Variants in CDH8 observed in about 807,000 individuals in gnomAD.
The protein encoded by CDH8 is cadherin-8.
In CDH8, 17 loss-of-function variants were observed where a neutral mutation model predicts 68.1. The observed-to-expected ratio is 0.25, with a 90% CI of 0.17 to 0.37. CDH8 has a LOEUF of 0.37. Ranked by LOEUF, CDH8 falls within the 10% of genes least tolerant of loss-of-function variation. The pLI is 1.00. For synonymous variants in CDH8, 372 were observed against 365.1 expected (o/e 1.02, Z -0.21); for missense variants, 763 against 999.3 (o/e 0.76, Z 3.19).
At chr16:61,892,251 A>C (rs1314886011) in intron 3 of CDH8, among the ~76,000 whole-genome samples, 1 of 152,176 alleles carries the variant, frequency 6.6e-6, no homozygotes, top group African/African-American at 2.4e-5. Context: ...GTGGCCTTTC[A>C]TAAAACCAAA....
intron 10 of CDH8, among the ~76,000 whole-genome samples, chr16:61,701,822 G>A (rs556913559): frequency 5.1e-4 from 77 of 152,222 alleles, no homozygotes; most frequent in African/African-American, 1.7e-3. Context: ...TACTTTGGGC[G>A]CACCATTGTT....
chr16:61,801,759 G>C (rs375159238), intron 7 of CDH8, among the ~76,000 whole-genome samples: 543 of 152,320 alleles, frequency 3.6e-3, no homozygotes, highest in Middle Eastern at 0.01. Flanking sequence ...TTTTCAGACC[G>C]GCTTAAAAAG....
intron 4 of CDH8, among the ~76,000 whole-genome samples, chr16:61,855,800 G>A (rs1163852987): frequency 6.6e-6 from 1 of 152,050 alleles, no homozygotes; most frequent in Non-Finnish European, 1.5e-5. Flanking sequence ...TATGAACTCT[G>A]CCACTGTAAC....
At chr16:62,025,262 A>T (rs945029506) in intron 1 of CDH8, among the ~76,000 whole-genome samples, 1 of 152,198 alleles carries the variant, frequency 6.6e-6, no homozygotes, top group Non-Finnish European at 1.5e-5. Context: ...TATTTGCAGA[A>T]TCACCCAGTC....
intron 9 of CDH8, among the ~76,000 whole-genome samples, chr16:61,715,683 A>G (rs568012558): frequency 1.3e-5 from 2 of 151,806 alleles, no homozygotes; most frequent in East Asian, 2.0e-4. Flanking sequence ...GAATGCAATT[A>G]TATTTACTGT....
chr16:61,722,593 C>A (rs1323178489), intron 9 of CDH8, among the ~76,000 whole-genome samples: 1 of 150,732 alleles, frequency 6.6e-6, no homozygotes, highest in Non-Finnish European at 1.5e-5. Flanking sequence ...GGTTAGCATG[C>A]ATACTGTGTG....
intron 3 of CDH8, among the ~76,000 whole-genome samples, chr16:61,884,187 G>T (rs1015877809): frequency 6.6e-6 from 1 of 151,974 alleles, no homozygotes; most frequent in Non-Finnish European, 1.5e-5. Flanking sequence ...ACACAGATTT[G>T]ATTTATATGC....
intron 10 of CDH8, chr16:61,693,504 G>A (rs1964272396): frequency 6.6e-6 from 1 of 152,070 alleles, no homozygotes; most frequent in South Asian, 2.1e-4. Context: ...AGGTGTAGGT[G>A]CCCTTTGCTA....
chr16:61,807,773 C>G (rs1961831240), intron 7 of CDH8, among the ~76,000 whole-genome samples: 1 of 152,168 alleles, frequency 6.6e-6, no homozygotes. Flanking sequence ...CGTAGTACTC[C>G]TCTGATAAGC....
intron 2 of CDH8, among the ~76,000 whole-genome samples, chr16:61,953,148 C>A (rs569467965): frequency 6.6e-6 from 1 of 152,210 alleles, no homozygotes; most frequent in East Asian, 1.9e-4. Flanking sequence ...ATCTATGAAC[C>A]AGAAAGTAAC....
chr16:61,708,710 A>G (rs1261206134), intron 10 of CDH8, among the ~76,000 whole-genome samples: 1 of 152,240 alleles, frequency 6.6e-6, no homozygotes, highest in Non-Finnish European at 1.5e-5. Flanking sequence ...TATCAACAGC[A>G]CATTGCTGGA....
chr16:61,815,426 G>A (rs1275861277), intron 7 of CDH8, among the ~76,000 whole-genome samples: 2 of 152,118 alleles, frequency 1.3e-5, no homozygotes, highest in African/African-American at 4.8e-5. Flanking sequence ...GCAACCATAT[G>A]TGGACAACTA....
rs773437364 is a variant in CDH8 at position 61,820,848 on chromosome 16, T to A, written c.1023+78A>T. ...CCAGCTGTGCAATTCTGCCAGGAAC[T>A]CCACACAAGTCCCTCAACTTTAAAA... On this transcript the variant is annotated intron_variant, in intron 6 of 11. Transcript: ENST00000577390. 1.6e-4 allele frequency: 206 copies of A among 1,259,794 alleles called. 1 individual carries two copies. The highest frequency in any genetic ancestry group is 1.2e-3 in the Middle Eastern group (5 of 4,244). 78.0% of individuals were successfully genotyped at this position (1,259,794 alleles called of 1,614,324 possible).
intron 7 of CDH8, among the ~76,000 whole-genome samples, chr16:61,793,013 G>T (rs370236206): frequency 6.6e-6 from 1 of 151,864 alleles, no homozygotes; most frequent in Non-Finnish European, 1.5e-5. Context: ...CAAGGTGATC[G>T]TATTAGAAGG....
At chr16:61,979,445 A>G (rs1018513912) in intron 2 of CDH8, among the ~76,000 whole-genome samples, 6 of 152,200 alleles carry the variant, frequency 3.9e-5, no homozygotes, top group Non-Finnish European at 7.3e-5. Context: ...CAATTCTACC[A>G]TCTTGCAAAC....
chr16:61,886,261 A>G (rs1428361553), intron 3 of CDH8, among the ~76,000 whole-genome samples: 2 of 152,222 alleles, frequency 1.3e-5, no homozygotes, highest in Non-Finnish European at 2.9e-5. Flanking sequence ...GGCAGACACA[A>G]GAGTGATAGT....
At chr16:61,915,662 G>A (rs962877819) in intron 2 of CDH8, among the ~76,000 whole-genome samples, 4 of 152,158 alleles carry the variant, frequency 2.6e-5, no homozygotes, top group African/African-American at 9.7e-5. Context: ...TTGCTCAATA[G>A]TCTTGCGAAG....
intron 8 of CDH8, among the ~76,000 whole-genome samples, chr16:61,736,352 G>A (rs912766939): frequency 6.6e-6 from 1 of 152,106 alleles, no homozygotes; most frequent in Non-Finnish European, 1.5e-5. Flanking sequence ...ATATGGCAAT[G>A]AGCCAGATAT....
At chr16:61,981,648 A>ATGTG (rs750036103) in intron 2 of CDH8, among the ~76,000 whole-genome samples, 18,161 of 146,724 alleles carry the variant, frequency 0.12, 1,308 homozygotes, top group Non-Finnish European at 0.17. Context: ...CTTGAAAAGA[A>ATGTG]TGTGTGTGTG....
Sources: gnomAD v4.1 joint callset for allele counts (sites outside exome capture counted in the v4.1 genomes callset) on GRCh38, gnomAD v4.1.1 for gene constraint, MANE v1.5 for transcripts, NCBI Gene and HGNC (gene_info 2026-07-23, HGNC 2026-07-21) for gene names.